The following MAST2 variants were observed in gnomAD, a reference collection of about 807,000 sequenced individuals.
The protein encoded by MAST2 is microtubule associated serine/threonine kinase 2, also known as microtubule-associated serine/threonine-protein kinase 2.
Under a neutral mutation model 147.4 loss-of-function variants are expected in MAST2, and 70 were observed. The observed-to-expected ratio is 0.47, with a 90% CI of 0.39 to 0.58. MAST2 has a LOEUF of 0.58. MAST2 is among the 20% of genes least tolerant of loss of function. The probability of loss-of-function intolerance (pLI) is 0.00; values close to 1 mark genes in which losing one functional copy is unlikely to be tolerated. For missense variants in MAST2, 2,080 were observed against 2,302.3 expected (o/e 0.90, Z 1.98); for synonymous variants, 869 against 896.8 (o/e 0.97, Z 0.55).
At chr1:45,941,681 G>GTTTTTT (rs1557940703) in intron 4 of MAST2, among the ~76,000 whole-genome samples, 2 of 27,158 alleles carry the variant, frequency 7.4e-5, no homozygotes, top group African/African-American at 2.1e-4. Context: ...TTTGTTTTTT[G>GTTTTTT]TTTTTTTATT....
intron 5 of MAST2, among the ~76,000 whole-genome samples, chr1:45,966,156 A>G (rs529838910): frequency 1.3e-5 from 2 of 152,276 alleles, no homozygotes; most frequent in Non-Finnish European, 2.9e-5. Flanking sequence ...ACTTAGTAAT[A>G]CGTACTGAAG....
intron 5 of MAST2, among the ~76,000 whole-genome samples, chr1:45,967,596 T>C (rs1661421575): frequency 6.6e-6 from 1 of 152,190 alleles, no homozygotes; most frequent in African/African-American, 2.4e-5. Context: ...CATAAAGGTC[T>C]TCGCCTCATC....
intron 4 of MAST2, among the ~76,000 whole-genome samples, chr1:45,905,466 C>T (rs1650534049): frequency 6.6e-6 from 1 of 152,106 alleles, no homozygotes; most frequent in Non-Finnish European, 1.5e-5. Context: ...GGATTATAGG[C>T]ATGTTTAATC....
intron 8 of MAST2, 82 bp downstream of exon 8, chr1:46,006,477 A>C: frequency 7.1e-7 from 1 of 1,412,252 alleles, no homozygotes; most frequent in Admixed American, 2.1e-5. Flanking sequence ...ACACTATGCT[A>C]TAAGGGGCCA....
chr1:45,820,893 C>G, intron 1 of MAST2, among the ~76,000 whole-genome samples: 1 of 43,076 alleles, frequency 2.3e-5, no homozygotes, highest in African/African-American at 9.8e-5. Context: ...CTTTCTTTCT[C>G]TTTTTTTTTT....
At chr1:46,006,174 C>G in intron 7 of MAST2, 67 bp from the exon 8 acceptor site, 7 of 1,467,546 alleles carry the variant, frequency 4.8e-6, no homozygotes, top group Middle Eastern at 1.8e-4. Flanking sequence ...CATTTTCAGT[C>G]CTTCCCCATT....
chr1:45,818,326 A>G (rs535303716), intron 1 of MAST2, among the ~76,000 whole-genome samples: 2 of 152,232 alleles, frequency 1.3e-5, no homozygotes, highest in South Asian at 4.1e-4. Context: ...CCTTTATTTG[A>G]TGCAAGTTTG....
In MAST2 at chr1:46,031,821, C is replaced by T. The variant is rs532672527; in HGVS notation, c.3187+236C>T. 1.3e-5 allele frequency among the ~76,000 whole-genome samples: 2 copies of T among 152,268 alleles called. No individual in the cohort carries two copies. Among genetic ancestry groups the T allele is most frequent in the Admixed American group, 1.3e-4 (2 of 15,290 alleles). ...GAGAGCTCACACTCAAATCCTGGCT[C>T]CATCACTAACAGGCTCTTGACCTTG... On this transcript the variant is annotated intron_variant, in intron 24 of 28. Coordinates refer to ENST00000361297, the MANE Select transcript of MAST2 (RefSeq NM_015112.3). This position sits in a 1 kb window ranked among gnomAD's most constrained non-coding sequence, Gnocchi z 4.1.
intron 15 of MAST2, among the ~76,000 whole-genome samples, chr1:46,024,641 T>C (rs1646327654): frequency 6.6e-6 from 1 of 152,228 alleles, no homozygotes; most frequent in South Asian, 2.1e-4. Flanking sequence ...GGAAGTAACA[T>C]GAACAGATGT....
At chr1:45,822,539 G>A (rs530125363) in intron 1 of MAST2, among the ~76,000 whole-genome samples, 2 of 152,252 alleles carry the variant, frequency 1.3e-5, no homozygotes, top group South Asian at 4.1e-4. Context: ...TTTCTTGATT[G>A]TTCTTTCTCT....
intron 1 of MAST2, among the ~76,000 whole-genome samples, chr1:45,806,487 A>G (rs1570138483): frequency 6.6e-6 from 1 of 151,688 alleles, no homozygotes; most frequent in Non-Finnish European, 1.5e-5. Context: ...GCAGCCTTGA[A>G]CTCCCAGGCT....
chr1:45,905,644 C>T (rs1004105954), intron 4 of MAST2, among the ~76,000 whole-genome samples: 3 of 151,994 alleles, frequency 2.0e-5, no homozygotes, highest in Non-Finnish European at 4.4e-5. Flanking sequence ...GGCATGGTGG[C>T]GGGCACCTGC....
chr1:45,818,191 C>T (rs954534949), intron 1 of MAST2, among the ~76,000 whole-genome samples: 23 of 152,122 alleles, frequency 1.5e-4, no homozygotes, highest in African/African-American at 7.2e-5. Context: ...TGGTGTCAGG[C>T]GTTGCAGTTT....
intron 11 of MAST2, among the ~76,000 whole-genome samples, chr1:46,020,142 A>C (rs990678821): frequency 1.3e-5 from 2 of 152,228 alleles, no homozygotes; most frequent in African/African-American, 4.8e-5. Flanking sequence ...ATGAGGCATG[A>C]GGACATGTAA....
At chr1:46,021,467 GC>G (rs1364205267) in intron 11 of MAST2, among the ~76,000 whole-genome samples, 1 of 152,232 alleles carries the variant, frequency 6.6e-6, no homozygotes, top group Non-Finnish European at 1.5e-5. Context: ...GTTATTATGT[GC>G]AGACAAGGAT....
chr1:45,807,168 G>A (rs1014504421), intron 1 of MAST2, among the ~76,000 whole-genome samples: 7 of 152,168 alleles, frequency 4.6e-5, no homozygotes, highest in Non-Finnish European at 8.8e-5. Flanking sequence ...ACTGTTGACT[G>A]TGTGTTCCTT....
chr1:45,988,203 G>A (rs1190437304), intron 5 of MAST2, among the ~76,000 whole-genome samples: 5 of 151,852 alleles, frequency 3.3e-5, no homozygotes, highest in South Asian at 2.1e-4. Context: ...TTGTAGAGAC[G>A]TGGTCTGGCT....
intron 10 of MAST2, among the ~76,000 whole-genome samples, chr1:46,018,729 G>A (rs1172277506): frequency 6.6e-6 from 1 of 152,076 alleles, no homozygotes; most frequent in Non-Finnish European, 1.5e-5. Context: ...TCAGCTATTA[G>A]AGGTGGGAGG....
chr1:45,987,762 G>GTTTTTTTTTTTTTTTTATTTTTTTTTTTT (rs11462786), intron 5 of MAST2, among the ~76,000 whole-genome samples: 1 of 62,734 alleles, frequency 1.6e-5, no homozygotes, highest in African/African-American at 6.6e-5. Flanking sequence ...AGCATTTCTT[G>GTTTTTTTTTTTTTTTTATTTTTTTTTTTT]TTTTTTTTTT....
Sources: allele counts gnomAD v4.1 joint callset (sites outside exome capture counted in the v4.1 genomes callset), GRCh38; gene constraint gnomAD v4.1.1; non-coding constraint Gnocchi (gnomAD v3.1); transcripts MANE v1.5; gene names NCBI Gene and HGNC (gene_info 2026-07-23, HGNC 2026-07-21).